Variants in GRIK4 observed in about 807,000 individuals in gnomAD.
GRIK4 encodes the protein glutamate ionotropic receptor kainate type subunit 4.
Under a neutral mutation model 104.9 loss-of-function variants are expected in GRIK4, and 40 were observed. The ratio of observed to expected loss-of-function variants is 0.38; its 90% CI spans 0.30 to 0.50. The LOEUF (loss-of-function observed/expected upper bound fraction) is 0.50, where lower values mean the gene tolerates loss of function less well. GRIK4 is among the 20% of genes least tolerant of loss of function. The probability of loss-of-function intolerance (pLI) is 0.93; values close to 1 mark genes in which losing one functional copy is unlikely to be tolerated. For missense variants in GRIK4, 1,047 were observed against 1,308.1 expected, an observed-to-expected ratio of 0.80 and a Z score of 3.08; for synonymous variants, 485 against 524.9, an observed-to-expected ratio of 0.92 and a Z score of 1.04.
intron 1 of GRIK4, among the ~76,000 whole-genome samples, chr11:120,649,883 C>T (rs182679930): frequency 1.9e-3 from 295 of 152,366 alleles, no homozygotes; most frequent in African/African-American, 6.9e-3. Flanking sequence ...GTGGGCACCC[C>T]TTCTGCCAGG....
In GRIK4 at chr11:120,551,820, G is replaced by T. The variant is rs114082032; in HGVS notation, c.-159+39933G>T. 7.1e-3 allele frequency among the ~76,000 whole-genome samples: 1,078 copies of T among 151,894 alleles called. 14 individuals are homozygous for T. The highest frequency in any genetic ancestry group is 0.025 in the African/African-American group (1,031 of 41,356). ...AAATAAATAAATAAAATTTTATGTG[G>T]TTAACAGTCACGTCTATCCAATGAA... On this transcript the variant is annotated intron_variant, in intron 1 of 20. Coordinates refer to ENST00000527524, the MANE Select transcript of GRIK4 (RefSeq NM_014619.5).
At chr11:120,767,045 A>G (rs1459417030) in intron 3 of GRIK4, among the ~76,000 whole-genome samples, 1 of 152,090 alleles carries the variant, frequency 6.6e-6, no homozygotes, top group Non-Finnish European at 1.5e-5. Flanking sequence ...TAGTGATTTC[A>G]TCTTCTTTGG....
Position 120,782,417 on chromosome 11 carries a change from C to G in GRIK4, c.83-20276C>G, listed in dbSNP as rs574010622. Among the ~76,000 whole-genome samples the G allele has an allele frequency of 3.9e-5, 6 of 151,986 alleles. No individual in the cohort carries two copies. The South Asian group carries it at 6.2e-4, about 16-fold the overall frequency. The stretch of plus-strand genomic sequence containing the variant: ...TCTCCTGCCTCAGCCTCCTGAGTAG[C>G]TGGGACTACAGGCGCCCACCACCAT... On this transcript the variant is annotated intron_variant, in intron 3 of 20. Transcript: ENST00000527524.
At chr11:120,776,238 T>C (rs1952039913) in intron 3 of GRIK4, among the ~76,000 whole-genome samples, 1 of 152,100 alleles carries the variant, frequency 6.6e-6, no homozygotes, top group Non-Finnish European at 1.5e-5. Context: ...CGTGCTCACA[T>C]CTCTACCGCA....
intron 1 of GRIK4, among the ~76,000 whole-genome samples, chr11:120,625,032 T>G (rs576354455): frequency 1.3e-5 from 2 of 152,164 alleles, no homozygotes; most frequent in Non-Finnish European, 2.9e-5. Context: ...GCCTGTAATC[T>G]GAGCACTTTG....
Position 120,760,936 on chromosome 11 carries a change from T to C in GRIK4, c.83-41757T>C, listed in dbSNP as rs138441644. ...GTGTGCACGTATCTTTAGAGTAGAATGATTTACAGTCTTTGGGTATATACC... is the reference window on the plus strand; with the variant it reads ...GTGTGCACGTATCTTTAGAGTAGAACGATTTACAGTCTTTGGGTATATACC... On this transcript the variant is annotated intron_variant, in intron 3 of 20. Transcript: ENST00000527524. 4.5e-3 allele frequency among the ~76,000 whole-genome samples: 687 copies of C among 152,294 alleles called. 6 individuals are homozygous for C. The highest frequency in any genetic ancestry group is 0.016 in the African/African-American group (668 of 41,556).
chr11:120,781,317 G>A (rs1952152186), intron 3 of GRIK4, among the ~76,000 whole-genome samples: 1 of 151,994 alleles, frequency 6.6e-6, no homozygotes, highest in African/African-American at 2.4e-5. Flanking sequence ...TTGTGGGCAT[G>A]GGGTCTGGCA....
chr11:120,613,367 C>T (rs958474571), intron 1 of GRIK4, among the ~76,000 whole-genome samples: 3 of 152,340 alleles, frequency 2.0e-5, no homozygotes, highest in African/African-American at 7.2e-5. Context: ...CTATACCCTT[C>T]AGCCAAGGGA....
chr11:120,791,700 T>G (rs1437812667), intron 3 of GRIK4, among the ~76,000 whole-genome samples: 1 of 152,216 alleles, frequency 6.6e-6, no homozygotes, highest in Non-Finnish European at 1.5e-5. Context: ...TTTCTTCTAG[T>G]AGTTTTATAG....
chr11:120,775,795 A>T (rs1301824616), intron 3 of GRIK4, among the ~76,000 whole-genome samples: 1 of 152,268 alleles, frequency 6.6e-6, no homozygotes, highest in Non-Finnish European at 1.5e-5. Flanking sequence ...CTAAGGGCAA[A>T]AACTAAATGG....
chr11:120,923,648 C>T (rs571251766), intron 13 of GRIK4, among the ~76,000 whole-genome samples: 4 of 152,178 alleles, frequency 2.6e-5, no homozygotes, highest in East Asian at 1.9e-4. Flanking sequence ...CTCCTGACCT[C>T]GTGATCCGCC....
chr11:120,690,778 T>C (rs75046117), intron 3 of GRIK4, among the ~76,000 whole-genome samples: 1 of 152,346 alleles, frequency 6.6e-6, no homozygotes, highest in East Asian at 1.9e-4. Context: ...GGCCCAGATT[T>C]AACTTTCTCT....
chr11:120,807,430 C>T (rs998510198), intron 4 of GRIK4, among the ~76,000 whole-genome samples: 13 of 152,158 alleles, frequency 8.5e-5, no homozygotes, highest in East Asian at 1.9e-4. Context: ...ATCAGCTGTC[C>T]GCACAGTTTC....
intron 17 of GRIK4, 24 bp downstream of exon 17, chr11:120,961,098 C>G (rs367685384): frequency 6.2e-6 from 10 of 1,605,758 alleles, no homozygotes; most frequent in Non-Finnish European, 7.7e-6. Flanking sequence ...GGTTGCTCAC[C>G]AGCATCGGGA....
In GRIK4 at chr11:120,861,270, G is replaced by A. The variant is rs1422859750; in HGVS notation, c.745-689G>A. Among the ~76,000 whole-genome samples, 5 of 151,752 alleles carry A rather than the reference G, an allele frequency of 3.3e-5. No homozygotes were observed. The East Asian group carries it at 7.7e-4, about 23-fold the overall frequency. The stretch of plus-strand genomic sequence containing the variant: ...ATTACAGGAATGCACCACCACATCC[G>A]GCTAGTTTTGTATTTTTAGTAGAGA... On this transcript the variant is annotated intron_variant, in intron 8 of 20. Coordinates refer to ENST00000527524, the MANE Select transcript of GRIK4 (RefSeq NM_014619.5).
chr11:120,623,659 T>C (rs1949217484), intron 1 of GRIK4, among the ~76,000 whole-genome samples: 1 of 152,272 alleles, frequency 6.6e-6, no homozygotes. Context: ...GACCTACTTA[T>C]GGGTTGTGAC....
chr11:120,719,606 C>T (rs1263217695), intron 3 of GRIK4, among the ~76,000 whole-genome samples: 8 of 152,276 alleles, frequency 5.3e-5, no homozygotes, highest in African/African-American at 1.7e-4. Context: ...TCCCACAGAT[C>T]GTCACTCCCT....
Position 120,696,583 on chromosome 11 carries a change from G to A in GRIK4, c.82+36183G>A, listed in dbSNP as rs141770938. Among the ~76,000 whole-genome samples the A allele has an allele frequency of 3.5e-3, 532 of 152,070 alleles. 2 individuals are homozygous for A. The highest frequency in any genetic ancestry group is 0.012 in the African/African-American group (484 of 41,450). On this transcript the variant is annotated intron_variant, in intron 3 of 20. Transcript: ENST00000527524. ...GGGGACTCAGAGCTCTGAGTTCATC[G>A]GTGGCTTCCTTATATTTCCCTTTGG...
intron 1 of GRIK4, among the ~76,000 whole-genome samples, chr11:120,621,573 G>C (rs756148523): frequency 1.3e-5 from 2 of 152,132 alleles, no homozygotes; most frequent in Admixed American, 1.3e-4. Context: ...GAAGGTCCTG[G>C]CATCCTCAGG....
Sources: gnomAD v4.1 joint callset for allele counts (sites outside exome capture counted in the v4.1 genomes callset) on GRCh38, gnomAD v4.1.1 for gene constraint, MANE v1.5 for transcripts, NCBI Gene and HGNC (gene_info 2026-07-23, HGNC 2026-07-21) for gene names.